The following NCALD variants were observed in gnomAD, a reference collection of about 807,000 sequenced individuals.
The protein encoded by NCALD is neurocalcin delta.
A neutral mutation model predicts 18.6 loss-of-function variants in NCALD; 10 were observed. The observed-to-expected ratio is 0.54, with a 90% confidence interval of 0.33 to 0.91. The LOEUF is 0.91. NCALD is among the 40% of genes least tolerant of loss of function. NCALD has a pLI of 0.03. For synonymous variants in NCALD, 88 were observed against 87.4 expected (o/e 1.01, Z -0.04); for missense variants, 184 against 247.6 (o/e 0.74, Z 1.72).
chr8:101,712,081 A>G (rs1211230730), intron 2 of NCALD, among the ~76,000 whole-genome samples: 1 of 152,208 alleles, frequency 6.6e-6, no homozygotes, highest in Non-Finnish European at 1.5e-5. Flanking sequence ...CTCTGCAGAA[A>G]CCTTACAAGC....
chr8:102,086,277 T>A (rs1824735140), intron 1 of NCALD, among the ~76,000 whole-genome samples: 1 of 152,208 alleles, frequency 6.6e-6, no homozygotes, highest in East Asian at 1.9e-4. Context: ...TTACAAATAT[T>A]GCACTAAGAC....
At chr8:101,767,763 T>C (rs1347833031) in intron 1 of NCALD, among the ~76,000 whole-genome samples, 2 of 152,272 alleles carry the variant, frequency 1.3e-5, no homozygotes, top group Admixed American at 1.3e-4. Context: ...CCACTTTCCC[T>C]GCACAATGCT....
At chr8:101,732,769 A>G (rs1044879822) in intron 1 of NCALD, among the ~76,000 whole-genome samples, 3 of 151,726 alleles carry the variant, frequency 2.0e-5, no homozygotes, top group Non-Finnish European at 4.4e-5. Flanking sequence ...ACACCCGGCT[A>G]ATTTTTGTAT....
At chr8:101,851,971 C>T (rs539852312) in intron 4 of NCALD, among the ~76,000 whole-genome samples, 1 of 152,096 alleles carries the variant, frequency 6.6e-6, no homozygotes, top group South Asian at 2.1e-4. Flanking sequence ...ATGAAGGGTA[C>T]ATTCTTGCCC....
At chr8:101,774,925 T>C (rs181180715) in intron 1 of NCALD, among the ~76,000 whole-genome samples, 21 of 152,288 alleles carry the variant, frequency 1.4e-4, no homozygotes, top group Admixed American at 3.9e-4. Context: ...TGCCCAGATA[T>C]CCAGGTCTGA....
chr8:101,862,387 T>C (rs1586651038), intron 4 of NCALD, among the ~76,000 whole-genome samples: 1 of 152,316 alleles, frequency 6.6e-6, no homozygotes, highest in East Asian at 1.9e-4. Flanking sequence ...AACATTTTTT[T>C]TAGGAGCTGG....
At chr8:101,728,927 G>T (rs548747775) in intron 1 of NCALD, among the ~76,000 whole-genome samples, 3 of 152,360 alleles carry the variant, frequency 2.0e-5, no homozygotes, top group African/African-American at 7.2e-5. Context: ...TTCAGCCAAT[G>T]GAATGTCTAG....
intron 2 of NCALD, among the ~76,000 whole-genome samples, chr8:101,954,377 G>C (rs896074283): frequency 1.4e-4 from 21 of 152,084 alleles, no homozygotes; most frequent in African/African-American, 4.6e-4. Context: ...CCCTGAGCCC[G>C]AGGCCCTCCT....
intron 2 of NCALD, among the ~76,000 whole-genome samples, chr8:101,921,467 T>C (rs925277957): frequency 1.3e-5 from 2 of 152,156 alleles, no homozygotes; most frequent in Non-Finnish European, 2.9e-5. Flanking sequence ...TACCAATTTC[T>C]GTATATTTGG....
intron 1 of NCALD, among the ~76,000 whole-genome samples, chr8:102,057,907 G>A (rs538901014): frequency 1.4e-4 from 21 of 152,176 alleles, no homozygotes; most frequent in Non-Finnish European, 2.8e-4. Flanking sequence ...TAAAATATTC[G>A]CTGGAGATTG....
At chr8:102,105,479 GA>G (rs1825415484) in intron 1 of NCALD, among the ~76,000 whole-genome samples, 1 of 152,176 alleles carries the variant, frequency 6.6e-6, no homozygotes, top group Non-Finnish European at 1.5e-5. Flanking sequence ...CAGTGAGCTG[GA>G]CTAATAGGAA....
intron 4 of NCALD, among the ~76,000 whole-genome samples, chr8:101,843,882 G>A (rs1317031836): frequency 6.6e-6 from 1 of 152,118 alleles, no homozygotes; most frequent in Non-Finnish European, 1.5e-5. Context: ...ATGCCCGGCT[G>A]AGGATCTTTT....
intron 1 of NCALD, among the ~76,000 whole-genome samples, chr8:101,738,135 A>G (rs958409491): frequency 3.3e-5 from 5 of 152,164 alleles, no homozygotes; most frequent in African/African-American, 9.7e-5. Context: ...GTTTATCAGC[A>G]ATGGTACCGG....
chr8:101,964,518 T>G (rs560904068), intron 2 of NCALD, among the ~76,000 whole-genome samples: 1 of 152,124 alleles, frequency 6.6e-6, no homozygotes, highest in African/African-American at 2.4e-5. Context: ...GGAAACAGTA[T>G]GAGGAGAGCA....
At chr8:101,721,669 C>G (rs1816363082) in intron 1 of NCALD, among the ~76,000 whole-genome samples, 1 of 152,102 alleles carries the variant, frequency 6.6e-6, no homozygotes, top group Admixed American at 6.5e-5. Context: ...ACTCATGGTT[C>G]AGATAATGAC....
chr8:101,965,399 T>C (rs1164479389), intron 2 of NCALD, among the ~76,000 whole-genome samples: 1 of 151,924 alleles, frequency 6.6e-6, no homozygotes, highest in Non-Finnish European at 1.5e-5. Flanking sequence ...ATAAAGAAAA[T>C]GTGGCACATA....
At chr8:101,710,789 C>T (rs1378667548) in intron 2 of NCALD, among the ~76,000 whole-genome samples, 2 of 152,238 alleles carry the variant, frequency 1.3e-5, no homozygotes, top group African/African-American at 2.4e-5. Flanking sequence ...ATAAAACTCT[C>T]ATCTCCCTGG....
At chr8:101,832,906 A>C (rs530677123) in intron 4 of NCALD, among the ~76,000 whole-genome samples, 3 of 152,318 alleles carry the variant, frequency 2.0e-5, no homozygotes, top group Non-Finnish European at 4.4e-5. Context: ...CCACCAGGCA[A>C]GTCTTTCCCA....
At chr8:101,897,454 C>T (rs1218111734) in intron 3 of NCALD, among the ~76,000 whole-genome samples, 1 of 149,662 alleles carries the variant, frequency 6.7e-6, no homozygotes, top group Non-Finnish European at 1.5e-5. Context: ...CAGCATGGCA[C>T]ATGTATACAT....
Sources: gnomAD v4.1 joint callset for allele counts (sites outside exome capture counted in the v4.1 genomes callset) on GRCh38, gnomAD v4.1.1 for gene constraint, MANE v1.5 for transcripts, NCBI Gene and HGNC (gene_info 2026-07-23, HGNC 2026-07-21) for gene names.